DDX10: variants seen among roughly 807,000 people sequenced by gnomAD.
DDX10 encodes probable ATP-dependent RNA helicase DDX10.
In DDX10, 74 loss-of-function variants were observed where a neutral mutation model predicts 104.3. That is an observed-to-expected ratio of 0.71 (90% confidence interval 0.59 to 0.86). The LOEUF (loss-of-function observed/expected upper bound fraction) is 0.86. Among genes scored for constraint, DDX10 ranks in the 40% least tolerant of loss-of-function variants. DDX10 has a pLI of 0.00. For missense variants in DDX10, 952 were observed against 1,040.0 expected (o/e 0.92, Z 1.16); for synonymous variants, 351 against 353.4 (o/e 0.99, Z 0.08).
At chr11:108,916,368 TCC>T (rs997959741) in intron 16 of DDX10, among the ~76,000 whole-genome samples, 2 of 152,066 alleles carry the variant, frequency 1.3e-5, no homozygotes, top group Non-Finnish European at 2.9e-5. Context: ...ATGCTTCTAA[TCC>T]CCCCTCCCCC....
Position 108,675,728 on chromosome 11 carries a change from T to C in DDX10, c.378+2T>C. 1 of 1,614,138 alleles carries C rather than the reference T, an allele frequency of 6.2e-7. No individual in the cohort carries two copies. ...AAGACTCTGGCTTTTCTTGTTCCAG[T>C]AAGTACATTGTCATTGGGTCAGACT... On this transcript the variant is annotated splice_donor_variant, in intron 3 of 17. Coordinates refer to ENST00000322536, the MANE Select transcript of DDX10 (RefSeq NM_004398.4). LOFTEE classifies it high-confidence loss of function.
chr11:108,848,289 A>G (rs956334674), intron 15 of DDX10, among the ~76,000 whole-genome samples: 3 of 152,156 alleles, frequency 2.0e-5, no homozygotes, highest in Admixed American at 6.5e-5. Context: ...ATGGCCATTT[A>G]AGAGTCTAAA....
At chr11:108,911,819 C>T (rs140037257) in intron 16 of DDX10, among the ~76,000 whole-genome samples, 105 of 151,978 alleles carry the variant, frequency 6.9e-4, no homozygotes, top group African/African-American at 2.5e-3. Flanking sequence ...GCCCTGGCCT[C>T]CAAAAAAGCT....
chr11:108,818,088 A>C (rs1862279275), intron 13 of DDX10, among the ~76,000 whole-genome samples: 1 of 152,214 alleles, frequency 6.6e-6, no homozygotes, highest in Non-Finnish European at 1.5e-5. Flanking sequence ...AACTCTGTGG[A>C]AACTGATTAG....
At chr11:108,872,281 C>T (rs556898390) in intron 16 of DDX10, among the ~76,000 whole-genome samples, 2 of 152,208 alleles carry the variant, frequency 1.3e-5, no homozygotes, top group South Asian at 2.1e-4. Flanking sequence ...TCCATTAAGT[C>T]GTTATTTGCA....
Position 108,723,297 on chromosome 11 carries a change from A to G in DDX10, c.1800A>G (p.Lys600=). Residue 600 remains lysine (K), a synonymous_variant, in exon 13 of 18, where the codon AAA becomes AAG. Transcript: ENST00000322536. ...TGGAAGAGAAACTGGCAAAAGCAAA[A>G]GGATCTCAAGCCCCATCTCTTCCTA... is the stretch of plus-strand genomic sequence containing the variant. ...EEMEEKLAKA[K]GSQAPSLPNT... 6.2e-7 allele frequency: 1 copy of G among 1,613,798 alleles called. No homozygotes were observed. The highest frequency in any genetic ancestry group is 8.5e-7 in the Non-Finnish European group (1 of 1,179,894).
intron 16 of DDX10, among the ~76,000 whole-genome samples, chr11:108,879,603 T>C (rs528187851): frequency 6.6e-6 from 1 of 152,200 alleles, no homozygotes; most frequent in African/African-American, 2.4e-5. Context: ...AGAGGCAATG[T>C]TGAAGGCCCC....
intron 9 of DDX10, among the ~76,000 whole-genome samples, chr11:108,697,377 T>C (rs1287483299): frequency 6.6e-6 from 1 of 152,184 alleles, no homozygotes; most frequent in Non-Finnish European, 1.5e-5. Context: ...TATTTGGCTG[T>C]AATTAAGACC....
chr11:108,821,678 A>G (rs1023543117), intron 13 of DDX10, among the ~76,000 whole-genome samples: 8 of 152,192 alleles, frequency 5.3e-5, no homozygotes, highest in Non-Finnish European at 1.0e-4. Flanking sequence ...TTAGAGGTCA[A>G]ATTTAGTCAT....
Position 108,799,648 on chromosome 11 carries a change from G to A in DDX10, c.1966-38798G>A, listed in dbSNP as rs537309323. ...TTCTTGCAGACTTCCCATTGAGAAA[G>A]GTCTAGTCTGAGTTTGTTTCCTTCT... On this transcript the variant is annotated intron_variant, in intron 13 of 17. Transcript: ENST00000322536. Among the ~76,000 whole-genome samples, 6 of 152,256 alleles carry A rather than the reference G, an allele frequency of 3.9e-5. 1 individual carries two copies. In the South Asian group the frequency reaches 8.3e-4, roughly 21 times the overall value.
At chr11:108,861,475 G>T (rs1180419995) in intron 16 of DDX10, among the ~76,000 whole-genome samples, 1 of 152,064 alleles carries the variant, frequency 6.6e-6, no homozygotes, top group Non-Finnish European at 1.5e-5. Flanking sequence ...ATATATGAAG[G>T]AATTACTGCT....
chr11:108,715,189 A>G, intron 10 of DDX10, among the ~76,000 whole-genome samples: 2 of 152,032 alleles, frequency 1.3e-5, no homozygotes, highest in Non-Finnish European at 2.9e-5. Flanking sequence ...AATTGATTTT[A>G]TGATATTTGA....
At chr11:108,884,889 C>T (rs1028822863) in intron 16 of DDX10, among the ~76,000 whole-genome samples, 4 of 152,164 alleles carry the variant, frequency 2.6e-5, no homozygotes, top group African/African-American at 9.7e-5. Flanking sequence ...TCAACTTCTA[C>T]ACACGAATGT....
intron 17 of DDX10, among the ~76,000 whole-genome samples, chr11:108,929,345 C>T (rs769613880): frequency 6.6e-6 from 1 of 152,124 alleles, no homozygotes; most frequent in Non-Finnish European, 1.5e-5. Flanking sequence ...TGAGGCAAGA[C>T]CTGAAGAATT....
At chr11:108,760,528 G>C (rs983542772) in intron 13 of DDX10, among the ~76,000 whole-genome samples, 1 of 151,886 alleles carries the variant, frequency 6.6e-6, no homozygotes, top group African/African-American at 2.4e-5. Flanking sequence ...AATTATGTAT[G>C]GTCATTTTAT....
chr11:108,748,681 A>G (rs2094334722), intron 13 of DDX10, among the ~76,000 whole-genome samples: 1 of 151,856 alleles, frequency 6.6e-6, no homozygotes, highest in South Asian at 2.1e-4. Context: ...GTACTCATTT[A>G]TTTAATTTTT....
At chr11:108,753,675 A>T (rs1445588289) in intron 13 of DDX10, among the ~76,000 whole-genome samples, 2 of 152,044 alleles carry the variant, frequency 1.3e-5, no homozygotes, top group Non-Finnish European at 2.9e-5. Context: ...TTTTTGTTTG[A>T]TAATTGAAAA....
At chr11:108,746,241 T>C (rs1267138240) in intron 13 of DDX10, among the ~76,000 whole-genome samples, 2 of 152,124 alleles carry the variant, frequency 1.3e-5, no homozygotes, top group Non-Finnish European at 2.9e-5. Flanking sequence ...TTTCTCTATA[T>C]ATAGATTTAC....
At chr11:108,718,746 TAGA>T (rs1255258380) in intron 11 of DDX10, among the ~76,000 whole-genome samples, 2 of 152,244 alleles carry the variant, frequency 1.3e-5, no homozygotes, top group Non-Finnish European at 2.9e-5. Context: ...TCTAGTTTCA[TAGA>T]AGTGATTTTC....
Sources: gnomAD v4.1 joint callset for allele counts (sites outside exome capture counted in the v4.1 genomes callset) on GRCh38, gnomAD v4.1.1 for gene constraint, MANE v1.5 for transcripts, NCBI Gene and HGNC (gene_info 2026-07-23, HGNC 2026-07-21) for gene names.